Variants in MAPKAPK5 observed in about 807,000 individuals in gnomAD.
MAPKAPK5 encodes the protein MAP kinase-activated protein kinase 5.
In MAPKAPK5, 30 loss-of-function variants were observed where a neutral mutation model predicts 65.1. The ratio of observed to expected loss-of-function variants is 0.46; its 90% confidence interval spans 0.34 to 0.63. The LOEUF (loss-of-function observed/expected upper bound fraction) is 0.63. MAPKAPK5 is among the 20% of genes least tolerant of loss of function. The pLI, the probability that MAPKAPK5 is intolerant of heterozygous loss-of-function variation, is 0.01. For synonymous variants in MAPKAPK5, 179 were observed against 204.6 expected (o/e 0.87, Z 1.07); for missense variants, 433 against 581.4 (o/e 0.74, Z 2.63).
chr12:111,898,181 T>A lies in MAPKAPK5; in HGVS notation c.*5120T>A, dbSNP rs1189060018. The A allele has an allele frequency of 1.3e-5, 2 of 152,088 alleles. No individual in the cohort carries two copies. The highest frequency in any genetic ancestry group is 4.8e-5 in the African/African-American group (2 of 41,404). 9.4% of individuals were successfully genotyped at this position (152,088 alleles called of 1,614,324 possible). On this transcript the variant is annotated 3_prime_UTR_variant, in exon 14 of 14. Coordinates refer to ENST00000550735, the MANE Select transcript of MAPKAPK5 (RefSeq NM_003668.4). ...GCTTTTATTTTGACCCCACAGTTTT[T>A]TTTTTGAGACGGATTCTCACTCTGT... is the stretch of plus-strand genomic sequence containing the variant.
At chr12:111,858,372 C>G (rs1469110253) in intron 1 of MAPKAPK5, among the ~76,000 whole-genome samples, 1 of 152,074 alleles carries the variant, frequency 6.6e-6, no homozygotes, top group Non-Finnish European at 1.5e-5. Flanking sequence ...CCCATCTTCA[C>G]CCCTCTTTGG....
In MAPKAPK5 at chr12:111,888,546, A is replaced by G; in HGVS notation, c.1028A>G (p.Gln343Arg). 2 of 1,614,032 alleles carry G rather than the reference A, an allele frequency of 1.2e-6. No individual in the cohort carries two copies. Among genetic ancestry groups the G allele is most frequent in the East Asian group, 2.2e-5 (1 of 44,880 alleles). The change falls in exon 11 of 14, where the codon CAG becomes CGG. Residue 343 changes from glutamine (Q) to arginine (R), a missense_variant. Gln to Arg is a conservative substitution (Grantham distance 43). Transcript: ENST00000550735. ...GAACAGTTGGCCAACATGAGAATCC[A>G]GGATCTGAAAGTCAGCCTCAAACCC... is the stretch of plus-strand genomic sequence containing the variant. ...HAEQLANMRI[Q>R]DLKVSLKPLH...
At chr12:111,870,615 T>G (rs1169435384) in intron 6 of MAPKAPK5, among the ~76,000 whole-genome samples, 1 of 152,172 alleles carries the variant, frequency 6.6e-6, no homozygotes, top group East Asian at 1.9e-4. Context: ...TGGAGGACCT[T>G]TGGGAAGGGG....
At position 111,901,044 on chromosome 12, in the gene MAPKAPK5, T is replaced by C. The variant is rs934914590; in HGVS notation, c.*7983T>C. On this transcript the variant is annotated 3_prime_UTR_variant, in exon 14 of 14. Transcript: ENST00000550735. The stretch of plus-strand genomic sequence containing the variant: ...TAATATATTTTGTGGGAAACTTATA[T>C]GTTCAGGTATTACAGGCTTACCAAA... 6.6e-6 allele frequency: 3 copies of C among 456,066 alleles called. No individual in the cohort carries two copies. The highest frequency in any genetic ancestry group is 2.3e-5 in the Admixed American group (1 of 42,572). The allele number at this position is 456,066 out of a possible 1,614,324, so 28.3% of individuals were successfully genotyped here.
chr12:111,863,856 C>T (rs945374515), intron 1 of MAPKAPK5, among the ~76,000 whole-genome samples: 9 of 152,182 alleles, frequency 5.9e-5, no homozygotes, highest in East Asian at 5.8e-4. Context: ...CCTCCCACCT[C>T]GGCCTCCCAA....
In MAPKAPK5 at chr12:111,869,249, G is replaced by C. The variant is rs1382835884; in HGVS notation, c.393+388G>C. 3.9e-5 allele frequency among the ~76,000 whole-genome samples: 6 copies of C among 152,222 alleles called. No homozygotes were observed. The East Asian group carries it at 1.2e-3, about 29-fold the overall frequency. ...TGTATGGTATAAAAATGTATTTTAAGAGAATTGTACATAAGATGCTTCCTG... is the reference window on the plus strand; with the variant it reads ...TGTATGGTATAAAAATGTATTTTAACAGAATTGTACATAAGATGCTTCCTG... On this transcript the variant is annotated intron_variant, in intron 5 of 13. Coordinates refer to ENST00000550735, the MANE Select transcript of MAPKAPK5 (RefSeq NM_003668.4).
At chr12:111,856,335 T>A (rs1017089049) in intron 1 of MAPKAPK5, among the ~76,000 whole-genome samples, 15 of 152,094 alleles carry the variant, frequency 9.9e-5, no homozygotes, top group African/African-American at 2.9e-4. Context: ...TTTAAATTAA[T>A]ACTAATAGTT....
chr12:111,895,346 C>T lies in MAPKAPK5; in HGVS notation c.*2285C>T, dbSNP rs1467956998. The T allele has an allele frequency of 6.6e-6, 1 of 152,086 alleles. No individual in the cohort carries two copies. The highest frequency in any genetic ancestry group is 1.5e-5 in the Non-Finnish European group (1 of 68,074). 9.4% of individuals were successfully genotyped at this position (152,086 alleles called of 1,614,324 possible). A position where few individuals can be genotyped will look rare whatever the true frequency, so the allele number is the denominator to read the frequency against. ...TTGATCTCCTGACCTCGTGATCCGC[C>T]CACCTCAGCCTCCAAAAGTGCTGGG... On this transcript the variant is annotated 3_prime_UTR_variant, in exon 14 of 14. Transcript: ENST00000550735.
intron 1 of MAPKAPK5, among the ~76,000 whole-genome samples, chr12:111,861,170 A>G (rs1304226600): frequency 2.6e-5 from 4 of 151,870 alleles, no homozygotes; most frequent in South Asian, 2.1e-4. Flanking sequence ...AAAAAAAATA[A>G]TTTCCATTTT....
In MAPKAPK5 at chr12:111,898,496, G is replaced by C. The variant is rs1373169314; in HGVS notation, c.*5435G>C. On this transcript the variant is annotated 3_prime_UTR_variant, in exon 14 of 14. Transcript: ENST00000550735. ...CACACTTTGTTTTTATGTTAGGGCA[G>C]TTGGAGGAACTGAACTTTGATCCTG... 6.6e-6 allele frequency: 1 copy of C among 152,134 alleles called. No homozygotes were observed. Among genetic ancestry groups the C allele is most frequent in the Non-Finnish European group, 1.5e-5 (1 of 68,044 alleles). The allele number at this position is 152,134 out of a possible 1,614,324, so 9.4% of individuals were successfully genotyped here.
At chr12:111,886,824 G>A (rs953142949) in intron 10 of MAPKAPK5, among the ~76,000 whole-genome samples, 8 of 152,204 alleles carry the variant, frequency 5.3e-5, no homozygotes, top group African/African-American at 1.7e-4. Context: ...CAGACTTGGC[G>A]ACTTGCAGAC....
At chr12:111,889,028 CT>C in intron 12 of MAPKAPK5, 28 bp downstream of exon 12, 4 of 1,553,890 alleles carry the variant, frequency 2.6e-6, no homozygotes, top group Non-Finnish European at 3.5e-6. Flanking sequence ...TACTAATCCT[CT>C]GTGTGTCTGT....
rs1334374272 is a variant in MAPKAPK5 at position 111,900,655 on chromosome 12, G to A, written c.*7594G>A. 1 of 455,602 alleles carries A rather than the reference G, an allele frequency of 2.2e-6. No homozygotes were observed. The highest frequency in any genetic ancestry group is 4.4e-6 in the Non-Finnish European group (1 of 226,432). 28.2% of individuals were successfully genotyped at this position (455,602 alleles called of 1,614,324 possible). ...CATCATGCATGCTGTGATGAAAACT[G>A]TATACTGAAGGCGAAAGCAGAGTGC... is the stretch of plus-strand genomic sequence containing the variant. On this transcript the variant is annotated 3_prime_UTR_variant, in exon 14 of 14. Transcript: ENST00000550735.
Position 111,866,099 on chromosome 12 carries a change from A to G in MAPKAPK5, c.111-57A>G, listed in dbSNP as rs1297029145. ...AAATCTCAAAGAAAAAGCTTGTTAA[A>G]TTAATTTTCATTCTAACATATATGA... On this transcript the variant is annotated intron_variant, in intron 2 of 13. Coordinates refer to ENST00000550735, the MANE Select transcript of MAPKAPK5 (RefSeq NM_003668.4). 269 of 1,346,358 alleles carry G rather than the reference A, an allele frequency of 2.0e-4. 2 individuals are homozygous for G. Among genetic ancestry groups the G allele is most frequent in the Non-Finnish European group, 1.6e-5 (16 of 970,968 alleles). 83.4% of individuals were successfully genotyped at this position (1,346,358 alleles called of 1,614,324 possible).
intron 10 of MAPKAPK5, among the ~76,000 whole-genome samples, chr12:111,887,029 TGAGAGGGA>T (rs1365625939): frequency 4.6e-5 from 7 of 152,100 alleles, no homozygotes; most frequent in Non-Finnish European, 7.4e-5. Flanking sequence ...CTGGTTTGGG[TGAGAGGGA>T]GTCTTTTAGG....
rs1284077426 is a variant in MAPKAPK5 at position 111,901,106 on chromosome 12, G to C, written c.*8045G>C. The C allele has an allele frequency of 8.8e-6, 4 of 455,988 alleles. No homozygotes were observed. Among genetic ancestry groups the C allele is most frequent in the African/African-American group, 8.0e-5 (4 of 50,082 alleles). The allele number at this position is 455,988 out of a possible 1,614,324, so 28.2% of individuals were successfully genotyped here. ...AACATACAATGATTCAGGTCCCTCA[G>C]GGAGATGGCTCATGTTGGAGCATGG... On this transcript the variant is annotated 3_prime_UTR_variant, in exon 14 of 14. Transcript: ENST00000550735.
intron 1 of MAPKAPK5, among the ~76,000 whole-genome samples, chr12:111,859,784 A>C (rs2069369406): frequency 1.3e-5 from 2 of 151,628 alleles, no homozygotes; most frequent in African/African-American, 4.8e-5. Context: ...TGAGTAGCTG[A>C]GATTACAGGT....
chr12:111,884,951 G>A (rs950327569), intron 9 of MAPKAPK5, among the ~76,000 whole-genome samples: 29 of 152,174 alleles, frequency 1.9e-4, no homozygotes, highest in African/African-American at 6.8e-4. Context: ...ACAAGTACAA[G>A]TTTTTAGGAA....
intron 7 of MAPKAPK5, among the ~76,000 whole-genome samples, chr12:111,877,525 ATCTTT>A (rs1185370829): frequency 2.0e-5 from 3 of 152,118 alleles, no homozygotes; most frequent in African/African-American, 4.8e-5. Context: ...GATGTCTGCC[ATCTTT>A]TCTTTTGTGT....
Sources: gnomAD v4.1 joint callset for allele counts (sites outside exome capture counted in the v4.1 genomes callset) on GRCh38, gnomAD v4.1.1 for gene constraint, MANE v1.5 for transcripts, NCBI Gene and HGNC (gene_info 2026-07-23, HGNC 2026-07-21) for gene names.